Variants in ZRANB1 observed in about 807,000 individuals in gnomAD.
ZRANB1 encodes ubiquitin thioesterase ZRANB1.
ZRANB1 carries 16 observed loss-of-function variants against 80.5 expected under a neutral mutation model. The ratio of observed to expected loss-of-function variants is 0.20; its 90% confidence interval spans 0.13 to 0.30. The LOEUF (loss-of-function observed/expected upper bound fraction) is 0.30, where lower values mean the gene tolerates loss of function less well. Ranked by LOEUF, ZRANB1 falls within the 10% of genes least tolerant of loss-of-function variation. The probability of loss-of-function intolerance (pLI) is 1.00; values close to 1 mark genes in which losing one functional copy is unlikely to be tolerated. For synonymous variants in ZRANB1, 291 were observed against 293.1 expected, an observed-to-expected ratio of 0.99 and a Z score of 0.07; for missense variants, 576 against 862.6, an observed-to-expected ratio of 0.67 and a Z score of 4.16.
At chr10:124,942,052 G>A, upstream of ZRANB1, 1 of 641,710 alleles carries the variant, frequency 1.6e-6, no homozygotes, top group Non-Finnish European at 2.0e-6. Context: ...ATGTGTTTAA[G>A]CTATTTTTTA....
chr10:124,962,497 A>C, intron 1 of ZRANB1: 1 of 685,412 alleles, frequency 1.5e-6, no homozygotes, highest in South Asian at 6.5e-5. Context: ...AATAAGGCAA[A>C]ACTTTGAAAA....
the ZRANB1 span, among the ~76,000 whole-genome samples, chr10:124,936,371 A>T: frequency 6.6e-6 from 1 of 152,240 alleles, no homozygotes; most frequent in Admixed American, 6.5e-5. Flanking sequence ...AGAAACCACT[A>T]GAAAGAATCT....
chr10:124,924,309 AAAGC>A, the ZRANB1 span, among the ~76,000 whole-genome samples: 9 of 152,182 alleles, frequency 5.9e-5, no homozygotes, highest in East Asian at 5.8e-4. Flanking sequence ...AAAAAAAAAA[AAAGC>A]AGCTTCATTG....
intron 3 of ZRANB1, 56 bp from the exon 4 acceptor site, chr10:124,973,589 A>G: frequency 6.8e-7 from 1 of 1,463,696 alleles, no homozygotes; most frequent in Non-Finnish European, 9.4e-7. Flanking sequence ...AATTAAGTAT[A>G]AGTTAAGTGT....
intron 1 of ZRANB1, among the ~76,000 whole-genome samples, chr10:124,955,240 T>G (rs931893034): frequency 2.0e-5 from 3 of 152,004 alleles, no homozygotes. Context: ...TTTGTTTTTT[T>G]TTTGTTTGTT....
chr10:124,922,336 A>T, the ZRANB1 span, among the ~76,000 whole-genome samples: 847 of 44,638 alleles, frequency 0.019, 28 homozygotes, highest in East Asian at 0.04. Context: ...GTATATATAT[A>T]TTTTTTTTTT....
chr10:124,974,836 T>C (rs1355061679), intron 5 of ZRANB1, among the ~76,000 whole-genome samples: 2 of 152,178 alleles, frequency 1.3e-5, no homozygotes, highest in African/African-American at 4.8e-5. Context: ...TCTGGCTCAA[T>C]TGCTGTGCTG....
intron 1 of ZRANB1, among the ~76,000 whole-genome samples, chr10:124,948,102 A>C (rs1205657403): frequency 6.6e-6 from 1 of 152,104 alleles, no homozygotes; most frequent in Non-Finnish European, 1.5e-5. Context: ...GCCACCCCTG[A>C]GACAGCAAGA....
chr10:124,951,094 A>T (rs995092394), intron 1 of ZRANB1, among the ~76,000 whole-genome samples: 5 of 152,068 alleles, frequency 3.3e-5, no homozygotes, highest in Non-Finnish European at 7.4e-5. Context: ...ATTCTTTTCA[A>T]TTTGTTTTGG....
At chr10:124,961,510 G>A (rs1460419882) in intron 1 of ZRANB1, among the ~76,000 whole-genome samples, 1 of 152,170 alleles carries the variant, frequency 6.6e-6, no homozygotes, top group Non-Finnish European at 1.5e-5. Flanking sequence ...AATTCTTCCT[G>A]CTTGGCAGGA....
At position 124,955,671 on chromosome 10, in the gene ZRANB1, TTA is replaced by T. The variant is rs574542804; in HGVS notation, c.815-10921_815-10920del. On this transcript the variant is annotated intron_variant, in intron 1 of 8. Transcript: ENST00000359653. ...TATTTTTAGCAACATGAAATAAGTA[TTA>T]TCTTCAGGTAGTTTTTGTTTTTCAA... Among the ~76,000 whole-genome samples, 16 of 152,328 alleles carry T rather than the reference TTA, an allele frequency of 1.1e-4. No homozygotes were observed. In the East Asian group the frequency reaches 2.1e-3, roughly 20 times the overall value.
intron 3 of ZRANB1, 82 bp downstream of exon 3, chr10:124,972,200 TAGAA>T (rs1277527269): frequency 1.5e-4 from 211 of 1,414,504 alleles, no homozygotes; most frequent in Non-Finnish European, 1.7e-4. Context: ...ATGTTTCTGT[TAGAA>T]AGCACATAAC....
chr10:124,931,440 G>A, the ZRANB1 span, among the ~76,000 whole-genome samples: 1 of 151,602 alleles, frequency 6.6e-6, no homozygotes, highest in Non-Finnish European at 1.5e-5. Flanking sequence ...GTGTGGTCTC[G>A]GCTCACTGCA....
chr10:124,978,793 A>ATTTT (rs35714295), intron 5 of ZRANB1, among the ~76,000 whole-genome samples: 4 of 115,438 alleles, frequency 3.5e-5, no homozygotes, highest in Admixed American at 9.3e-5. Context: ...TTCCCAGCTA[A>ATTTT]TTTTTTTTTT....
chr10:124,922,083 A>T, the ZRANB1 span, among the ~76,000 whole-genome samples: 1 of 151,640 alleles, frequency 6.6e-6, no homozygotes, highest in African/African-American at 2.4e-5. Flanking sequence ...CTGGAACTAT[A>T]GGTGTGTACC....
intron 1 of ZRANB1, among the ~76,000 whole-genome samples, chr10:124,966,106 C>T (rs17152428): frequency 1.3e-5 from 2 of 152,054 alleles, no homozygotes; most frequent in East Asian, 3.8e-4. Context: ...TAAGTTGTTT[C>T]AAAGCTAAAG....
At chr10:124,954,448 T>TA (rs1951672676) in intron 1 of ZRANB1, among the ~76,000 whole-genome samples, 1 of 146,614 alleles carries the variant, frequency 6.8e-6, no homozygotes, top group Non-Finnish European at 1.5e-5. Context: ...CATTAAAAGT[T>TA]TTTTTTTTTT....
At chr10:124,947,854 A>G (rs1273689759) in intron 1 of ZRANB1, among the ~76,000 whole-genome samples, 1 of 152,070 alleles carries the variant, frequency 6.6e-6, no homozygotes, top group Non-Finnish European at 1.5e-5. Context: ...ACCATGATCT[A>G]CCCTTGCCTT....
intron 1 of ZRANB1, among the ~76,000 whole-genome samples, chr10:124,957,213 C>T (rs981257043): frequency 6.6e-6 from 1 of 151,244 alleles, no homozygotes; most frequent in African/African-American, 2.4e-5. Flanking sequence ...TTTGAAGATT[C>T]CACTTTTGCA....
Sources: allele counts gnomAD v4.1 joint callset (sites outside exome capture counted in the v4.1 genomes callset), GRCh38; gene constraint gnomAD v4.1.1; transcripts MANE v1.5; gene names NCBI Gene and HGNC (gene_info 2026-07-23, HGNC 2026-07-21).